The following MRC2 variants were observed in gnomAD, a reference collection of about 807,000 sequenced individuals.
The protein encoded by MRC2 is mannose receptor C-type 2.
MRC2 carries 84 observed loss-of-function variants against 206.2 expected under a neutral mutation model. The observed-to-expected ratio is 0.41, with a 90% CI of 0.34 to 0.49. The LOEUF (loss-of-function observed/expected upper bound fraction) is 0.49, where lower values mean the gene tolerates loss of function less well. MRC2 is among the 20% of genes least tolerant of loss of function. MRC2 has a pLI of 0.31. For missense variants in MRC2, 1,676 were observed against 2,001.5 expected (o/e 0.84, Z 3.10); for synonymous variants, 798 against 800.0 (o/e 1.00, Z 0.04).
chr17:62,655,779 C>T (rs2088612678), intron 1 of MRC2, among the ~76,000 whole-genome samples: 1 of 151,372 alleles, frequency 6.6e-6, no homozygotes, highest in Non-Finnish European at 1.5e-5. Context: ...ATATTTCTAT[C>T]ACACTTCATT....
At chr17:62,669,320 T>G (rs1166815129) in intron 6 of MRC2, among the ~76,000 whole-genome samples, 1 of 151,860 alleles carries the variant, frequency 6.6e-6, no homozygotes, top group Non-Finnish European at 1.5e-5. Flanking sequence ...GCTCAAGAGA[T>G]TCTCGTGCCT....
At chr17:62,649,542 G>C (rs2429394) in intron 1 of MRC2, among the ~76,000 whole-genome samples, 100,249 of 152,074 alleles carry the variant, frequency 0.66, 33,247 homozygotes, top group East Asian at 0.81. Context: ...AGTGAGCCAA[G>C]ATTTCATCAC....
At chr17:62,663,236 A>ATCCC (rs1317228654) in intron 1 of MRC2, among the ~76,000 whole-genome samples, 1 of 97,470 alleles carries the variant, frequency 1.0e-5, no homozygotes, top group Non-Finnish European at 1.9e-5. Flanking sequence ...CCTACCATCC[A>ATCCC]TCCCTCCCTC....
In MRC2 at chr17:62,672,291, C is replaced by T; in HGVS notation, c.1461+139C>T. 3.1e-6 allele frequency: 3 copies of T among 956,966 alleles called. No individual in the cohort carries two copies. Among genetic ancestry groups the T allele is most frequent in the South Asian group, 3.1e-5 (2 of 63,684 alleles). The allele number at this position is 956,966 out of a possible 1,614,324, so 59.3% of individuals were successfully genotyped here. ...CTCTCAGCAGTCCCCCTCCTCCCCA[C>T]CAATGCCTTCCCTTCCATGTGAGAG... On this transcript the variant is annotated intron_variant, in intron 8 of 29. Transcript: ENST00000303375. The surrounding 1 kb of genome is among the most constrained non-coding windows in gnomAD (Gnocchi z 4.5).
intron 12 of MRC2, 34 bp from the exon 13 acceptor site, chr17:62,678,470 G>GGACAGCTTA: frequency 6.2e-7 from 1 of 1,601,196 alleles, no homozygotes; most frequent in South Asian, 1.1e-5. Flanking sequence ...GGGCCAGTGG[G>GGACAGCTTA]GACAGCTTAG....
At position 62,676,365 on chromosome 17, in the gene MRC2, C is replaced by A; in HGVS notation, c.1686-18C>A. 1 of 1,613,250 alleles carries A rather than the reference C, an allele frequency of 6.2e-7. No homozygotes were observed. Among genetic ancestry groups the A allele is most frequent in the South Asian group, 1.1e-5 (1 of 91,038 alleles). ...GGAAGCAGGGAGATCCCTGCCCTGA[C>A]CAGCCTGTCTCCTGAAGGTTCGAGC... is the stretch of plus-strand genomic sequence containing the variant. On this transcript the variant is annotated intron_variant, in intron 10 of 29. Coordinates refer to ENST00000303375, the MANE Select transcript of MRC2 (RefSeq NM_006039.5).
intron 1 of MRC2, among the ~76,000 whole-genome samples, chr17:62,663,712 CA>C (rs1239837218): frequency 6.6e-6 from 1 of 152,048 alleles, no homozygotes; most frequent in Non-Finnish European, 1.5e-5. Context: ...TGAAATAGTT[CA>C]GGGGTGGGAT....
intron 1 of MRC2, chr17:62,661,800 TTTTG>T (rs1009122689): frequency 6.6e-6 from 1 of 152,208 alleles, no homozygotes; most frequent in African/African-American, 2.4e-5. Context: ...TTTATTTGAA[TTTTG>T]ACCTTGCTGA....
At position 62,652,316 on chromosome 17, in the gene MRC2, G is replaced by T. The variant is rs749166212; in HGVS notation, c.119-12232G>T. On this transcript the variant is annotated intron_variant, in intron 1 of 29. Coordinates refer to ENST00000303375, the MANE Select transcript of MRC2 (RefSeq NM_006039.5). This position sits in a 1 kb window ranked among gnomAD's most constrained non-coding sequence, Gnocchi z 4.6. ...ACACCCCCGCACGGAGAAATGAACA[G>T]GTGTGGCTCGGCAGAGGCCTTCCGC... Among the ~76,000 whole-genome samples, 15 of 152,384 alleles carry T rather than the reference G, an allele frequency of 9.8e-5. No homozygotes were observed. The highest frequency in any genetic ancestry group is 2.1e-4 in the Non-Finnish European group (14 of 68,040).
rs1457685121 is a variant in MRC2, at chr17:62,679,787, G to A, written c.2196-13G>A. 1 of 1,613,050 alleles carries A rather than the reference G, an allele frequency of 6.2e-7. No individual in the cohort carries two copies. Among genetic ancestry groups the A allele is most frequent in the Non-Finnish European group, 8.5e-7 (1 of 1,179,522 alleles). On this transcript the variant is annotated splice_polypyrimidine_tract_variant and intron_variant, in intron 13 of 29. Coordinates refer to ENST00000303375, the MANE Select transcript of MRC2 (RefSeq NM_006039.5). ...CCCATCTCTTCCGTCCCCACTCCTGGGTTGTGCTGAAGTGAATCAGAACCC... is the reference window on the plus strand; with the variant it reads ...CCCATCTCTTCCGTCCCCACTCCTGAGTTGTGCTGAAGTGAATCAGAACCC...
In MRC2 at chr17:62,685,931, G is replaced by A. The variant is rs183161491; in HGVS notation, c.2947-2358G>A. ...CTTTACTAGTTCTGTGCCCTTCTTT[G>A]TGTCCCTATAGCATTTGGATGTAGG... is the stretch of plus-strand genomic sequence containing the variant. On this transcript the variant is annotated intron_variant, in intron 20 of 29. Transcript: ENST00000303375. Among the ~76,000 whole-genome samples, 442 of 152,248 alleles carry A rather than the reference G, an allele frequency of 2.9e-3. 3 individuals carry two copies. Among genetic ancestry groups the A allele is most frequent in the Non-Finnish European group, 2.7e-3 (187 of 68,022 alleles).
At chr17:62,656,641 G>A (rs939803613) in intron 1 of MRC2, among the ~76,000 whole-genome samples, 1 of 152,218 alleles carries the variant, frequency 6.6e-6, no homozygotes, top group Non-Finnish European at 1.5e-5. Flanking sequence ...CATGGCCTTG[G>A]TGCTGCAGCC....
At chr17:62,679,941 A>G (rs1598992539) in intron 14 of MRC2, 39 bp downstream of exon 14, 1 of 1,397,406 alleles carries the variant, frequency 7.2e-7, no homozygotes. Context: ...CGAGGCCGGG[A>G]GCTTGGTGGG....
chr17:62,675,330 G>A lies in MRC2; in HGVS notation c.1570-460G>A, dbSNP rs2088877727. On this transcript the variant is annotated intron_variant, in intron 9 of 29. Coordinates refer to ENST00000303375, the MANE Select transcript of MRC2 (RefSeq NM_006039.5). This position sits in a 1 kb window ranked among gnomAD's most constrained non-coding sequence, Gnocchi z 4.1. ...AGGGTCTCGTCTCTGAGCCCCTCCTGCCATCCCCGGGCCAGGAGCATCCTG... is the reference window on the plus strand; with the variant it reads ...AGGGTCTCGTCTCTGAGCCCCTCCTACCATCCCCGGGCCAGGAGCATCCTG... Among the ~76,000 whole-genome samples, 1 of 152,122 alleles carries A rather than the reference G, an allele frequency of 6.6e-6. No individual in the cohort carries two copies. The highest frequency in any genetic ancestry group is 1.5e-5 in the Non-Finnish European group (1 of 68,008).
In MRC2 at chr17:62,671,806, G is replaced by A. The variant is rs757913060; in HGVS notation, c.1275G>A (p.Glu425=). 67 of 1,606,370 alleles carry A rather than the reference G, an allele frequency of 4.2e-5. No homozygotes were observed. Among genetic ancestry groups the A allele is most frequent in the Non-Finnish European group, 5.7e-5 (67 of 1,174,914 alleles). ...GDLVSIHSMA[E]LEFITKQIKQ... is the part of the protein sequence containing the mutation. The stretch of plus-strand genomic sequence containing the variant: ...TGGTCAGCATCCACAGCATGGCGGA[G>A]CTGGAATTCATCACCAAGCAGATCA... The change falls in exon 7 of 30, where the codon GAG becomes GAA. Residue 425 remains glutamate, a synonymous_variant. Transcript: ENST00000303375. This position sits in a 1 kb window ranked among gnomAD's most constrained non-coding sequence, Gnocchi z 4.5.
chr17:62,680,178 C>G lies in MRC2; in HGVS notation c.2307C>G (p.Tyr769Ter), dbSNP rs1172860253. ...CCACCCGCCTCCTCCAGTTCTCTTA[C>G]CACAATTTCGACCGGAGCCGGCACG... ...WRWSDGVGFS[Y>*]HNFDRSRHDD... Residue 769 changes from tyrosine (Y) to a stop codon, truncating the protein, a stop_gained, in exon 15 of 30, where the codon TAC (tyrosine) becomes TAG (stop). Coordinates refer to ENST00000303375, the MANE Select transcript of MRC2 (RefSeq NM_006039.5). LOFTEE classifies it high-confidence loss of function. This position sits in a 1 kb window ranked among gnomAD's most constrained non-coding sequence, Gnocchi z 4.8. 1.2e-6 allele frequency: 2 copies of G among 1,614,108 alleles called. No individual in the cohort carries two copies. The highest frequency in any genetic ancestry group is 2.2e-5 in the South Asian group (2 of 91,074).
rs924392589 is a variant in MRC2, at chr17:62,692,716, A to G, written c.*265A>G. The G allele has an allele frequency of 2.3e-5, 10 of 440,160 alleles. No individual in the cohort carries two copies. Among genetic ancestry groups the G allele is most frequent in the Non-Finnish European group, 4.2e-5 (10 of 239,382 alleles). The allele number at this position is 440,160 out of a possible 1,614,324, so 27.3% of individuals were successfully genotyped here. A position where few individuals can be genotyped will look rare whatever the true frequency, so the allele number is the denominator to read the frequency against. On this transcript the variant is annotated 3_prime_UTR_variant, in exon 30 of 30. Coordinates refer to ENST00000303375, the MANE Select transcript of MRC2 (RefSeq NM_006039.5). The surrounding 1 kb of genome is among the most constrained non-coding windows in gnomAD (Gnocchi z 4.2). ...TTGTCACCTGGTCCTGTGCCCCCAC[A>G]GGAACCAGAGGTAGGATGGGAGGGG...
At chr17:62,661,597 C>T (rs573328123) in intron 1 of MRC2, 1 of 144,770 alleles carries the variant, frequency 6.9e-6, no homozygotes, top group Non-Finnish European at 1.5e-5. Flanking sequence ...TCCTTCCTTC[C>T]TTCCTTCCTT....
chr17:62,634,958 G>A (rs900752595), intron 1 of MRC2, among the ~76,000 whole-genome samples: 1 of 151,370 alleles, frequency 6.6e-6, no homozygotes, highest in African/African-American at 2.4e-5. Context: ...AGCTTCCCAA[G>A]TAGCTGGGAC....
Sources: allele counts gnomAD v4.1 joint callset (sites outside exome capture counted in the v4.1 genomes callset), GRCh38; gene constraint gnomAD v4.1.1; non-coding constraint Gnocchi (gnomAD v3.1); transcripts MANE v1.5; gene names NCBI Gene and HGNC (gene_info 2026-07-23, HGNC 2026-07-21).